PPFIBP1: variants seen among roughly 807,000 people sequenced by gnomAD.
PPFIBP1 encodes liprin-beta-1.
A neutral mutation model predicts 137.8 loss-of-function variants in PPFIBP1; 112 were observed. The observed-to-expected ratio is 0.81, with a 90% CI of 0.70 to 0.95. The LOEUF (loss-of-function observed/expected upper bound fraction) is 0.95. PPFIBP1 is among the 40% of genes least tolerant of loss of function. The pLI is 0.00. For synonymous variants in PPFIBP1, 378 were observed against 417.3 expected, an observed-to-expected ratio of 0.91 and a Z score of 1.15; for missense variants, 1,083 against 1,196.6, an observed-to-expected ratio of 0.91 and a Z score of 1.40.
intron 4 of PPFIBP1, among the ~76,000 whole-genome samples, chr12:27,641,863 C>G (rs540615572): frequency 1.3e-5 from 2 of 152,208 alleles, no homozygotes; most frequent in East Asian, 3.9e-4. Flanking sequence ...ACCAGGCATT[C>G]GAACTGGCAG....
rs550118315 is a variant in PPFIBP1, at chr12:27,633,321, T to C, written c.-35-41T>C. On this transcript the variant is annotated intron_variant, in intron 2 of 29. Transcript: ENST00000228425. Reference sequence around the variant, plus strand: ...AATTAGAAACCCACTAGCAAGCCTATGTCATTTAATGGATGTAATGATAAC... The same window carrying C: ...AATTAGAAACCCACTAGCAAGCCTACGTCATTTAATGGATGTAATGATAAC... 36 of 1,356,106 alleles carry C rather than the reference T, an allele frequency of 2.7e-5. 1 individual carries two copies. In the East Asian group the frequency reaches 6.4e-4, roughly 24 times the overall value. The allele number at this position is 1,356,106 out of a possible 1,614,324, so 84.0% of individuals were successfully genotyped here.
chr12:27,679,500 A>G lies in PPFIBP1; in HGVS notation c.1627A>G (p.Lys543Glu), dbSNP rs1286165011. Residue 543 changes from lysine to glutamate, a missense_variant, in exon 20 of 30, where the codon AAA (lysine) becomes GAA (glutamate). Lys to Glu is a moderately conservative substitution (Grantham distance 56, BLOSUM62 1). Coordinates refer to ENST00000228425, the MANE Select transcript of PPFIBP1 (RefSeq NM_003622.4). ...ASAPTLAETEKETAEHLDLAG... is the reference protein window; with the variant it reads ...ASAPTLAETEEETAEHLDLAG... ...TGCTCTTGGAGTAGCTGAAACAGAAAAAGAGACAGCAGAGCACCTAGATCT... is the reference window on the plus strand; with the variant it reads ...TGCTCTTGGAGTAGCTGAAACAGAAGAAGAGACAGCAGAGCACCTAGATCT... The G allele has an allele frequency of 1.2e-6, 2 of 1,611,908 alleles. No individual in the cohort carries two copies. The highest frequency in any genetic ancestry group is 1.1e-5 in the South Asian group (1 of 90,504).
At position 27,583,838 on chromosome 12, in the gene PPFIBP1, A is replaced by C. The variant is rs2051393759; in HGVS notation, c.-36+5599A>C. ...AGGACAGAAAACACCAAGTACCTCTATCCAGAGGGTGACTTTTGTTTCCTC... is the reference window on the plus strand; with the variant it reads ...AGGACAGAAAACACCAAGTACCTCTCTCCAGAGGGTGACTTTTGTTTCCTC... On this transcript the variant is annotated intron_variant, in intron 2 of 29. Coordinates refer to ENST00000228425, the MANE Select transcript of PPFIBP1 (RefSeq NM_003622.4). 2.0e-5 allele frequency among the ~76,000 whole-genome samples: 3 copies of C among 152,204 alleles called. No homozygotes were observed. The South Asian group carries it at 6.2e-4, about 32-fold the overall frequency.
chr12:27,590,842 A>G (rs2052415568), intron 2 of PPFIBP1, among the ~76,000 whole-genome samples: 1 of 152,202 alleles, frequency 6.6e-6, no homozygotes, highest in Non-Finnish European at 1.5e-5. Flanking sequence ...AAGGCAAGGC[A>G]TGGCAGATGT....
rs984838279 is a variant in PPFIBP1, at chr12:27,594,035, G to A, written c.-36+15796G>A. ...TATGTCGCTGTTAGAGGATGAATATGCCATGGAGTTCAAAGGCACAAATCT... is the reference window on the plus strand; with the variant it reads ...TATGTCGCTGTTAGAGGATGAATATACCATGGAGTTCAAAGGCACAAATCT... On this transcript the variant is annotated intron_variant, in intron 2 of 29. Coordinates refer to ENST00000228425, the MANE Select transcript of PPFIBP1 (RefSeq NM_003622.4). 11 of 1,320,392 alleles carry A rather than the reference G, an allele frequency of 8.3e-6. No individual in the cohort carries two copies. In the African/African-American group the frequency reaches 1.7e-4, roughly 20 times the overall value. 81.8% of individuals were successfully genotyped at this position (1,320,392 alleles called of 1,614,324 possible).
chr12:27,537,153 A>G (rs1185048112), intron 1 of PPFIBP1, among the ~76,000 whole-genome samples: 1 of 151,078 alleles, frequency 6.6e-6, no homozygotes, highest in Admixed American at 6.6e-5. Context: ...TTTTTTTGAG[A>G]CGGAGTCTCT....
intron 9 of PPFIBP1, among the ~76,000 whole-genome samples, chr12:27,657,949 A>C (rs1036783248): frequency 1.3e-5 from 2 of 151,804 alleles, no homozygotes; most frequent in Non-Finnish European, 1.5e-5. Flanking sequence ...CTCTACAAAA[A>C]ATTTCTTTTT....
chr12:27,620,314 C>G (rs2056215076), intron 2 of PPFIBP1, among the ~76,000 whole-genome samples: 2 of 152,200 alleles, frequency 1.3e-5, no homozygotes. Flanking sequence ...ACCACGCCTT[C>G]TGTGCCTCTG....
intron 4 of PPFIBP1, among the ~76,000 whole-genome samples, chr12:27,644,529 G>C (rs1197855737): frequency 6.6e-6 from 1 of 152,030 alleles, no homozygotes; most frequent in Non-Finnish European, 1.5e-5. Flanking sequence ...GCTCTACAGG[G>C]CCTGTCTTGG....
intron 4 of PPFIBP1, among the ~76,000 whole-genome samples, chr12:27,641,203 T>TA (rs1476291853): frequency 6.6e-6 from 1 of 152,220 alleles, no homozygotes; most frequent in Non-Finnish European, 1.5e-5. Flanking sequence ...TTTAGATACT[T>TA]ACCATTCTGA....
At chr12:27,659,474 A>G (rs1288648466) in intron 10 of PPFIBP1, among the ~76,000 whole-genome samples, 5 of 151,920 alleles carry the variant, frequency 3.3e-5, no homozygotes, top group African/African-American at 1.2e-4. Flanking sequence ...TTAGCTGAGC[A>G]TGGTGGTGCA....
chr12:27,598,770 AAAG>A (rs1592744866), intron 2 of PPFIBP1, among the ~76,000 whole-genome samples: 1 of 152,178 alleles, frequency 6.6e-6, no homozygotes, highest in African/African-American at 2.4e-5. Flanking sequence ...TTCACCTCCA[AAAG>A]AAGGTCAGGG....
intron 3 of PPFIBP1, 38 bp from the exon 4 acceptor site, chr12:27,634,872 A>T: frequency 1.3e-6 from 2 of 1,568,900 alleles, no homozygotes; most frequent in Non-Finnish European, 1.8e-6. Context: ...TATCTAACAT[A>T]AATCCCATTG....
At chr12:27,564,283 T>C (rs2049446064) in intron 1 of PPFIBP1, among the ~76,000 whole-genome samples, 1 of 152,240 alleles carries the variant, frequency 6.6e-6, no homozygotes, top group African/African-American at 2.4e-5. Context: ...GTCCTCTGCA[T>C]GTAAGAAGAC....
At chr12:27,534,591 A>G (rs1944785361) in intron 1 of PPFIBP1, among the ~76,000 whole-genome samples, 1 of 152,154 alleles carries the variant, frequency 6.6e-6, no homozygotes, top group Non-Finnish European at 1.5e-5. Flanking sequence ...AAATTAGACA[A>G]AGGGAAACTT....
intron 1 of PPFIBP1, among the ~76,000 whole-genome samples, chr12:27,550,661 C>T (rs1946673724): frequency 6.6e-6 from 1 of 152,092 alleles, no homozygotes; most frequent in Non-Finnish European, 1.5e-5. Context: ...TGTGCCACCG[C>T]GAATTGTAAG....
At chr12:27,583,261 TA>T (rs2051326603) in intron 2 of PPFIBP1, among the ~76,000 whole-genome samples, 1 of 152,130 alleles carries the variant, frequency 6.6e-6, no homozygotes, top group Non-Finnish European at 1.5e-5. Context: ...GGGGAAGAGT[TA>T]AGAAGACACA....
At chr12:27,587,496 G>A (rs1189904139) in intron 2 of PPFIBP1, among the ~76,000 whole-genome samples, 22 of 151,410 alleles carry the variant, frequency 1.5e-4, no homozygotes, top group African/African-American at 3.6e-4. Flanking sequence ...GGTGGCGGGC[G>A]CCTGTAGTCC....
At chr12:27,605,556 TTTTA>T (rs1420093297) in intron 2 of PPFIBP1, among the ~76,000 whole-genome samples, 2 of 152,102 alleles carry the variant, frequency 1.3e-5, no homozygotes, top group African/African-American at 4.8e-5. Flanking sequence ...TTTTTTGATG[TTTTA>T]TTTAACTTAA....
Sources: gnomAD v4.1 joint callset for allele counts (sites outside exome capture counted in the v4.1 genomes callset) on GRCh38, gnomAD v4.1.1 for gene constraint, MANE v1.5 for transcripts, NCBI Gene and HGNC (gene_info 2026-07-23, HGNC 2026-07-21) for gene names.